APLF: variants seen among roughly 807,000 people sequenced by gnomAD.
APLF encodes the protein aprataxin and PNKP like factor.
In APLF, 61 loss-of-function variants were observed where a neutral mutation model predicts 55.6. That is an observed-to-expected ratio of 1.10 (90% CI 0.89 to 1.36). APLF has a LOEUF of 1.36. Among genes scored for constraint, APLF ranks in the 40% most tolerant of loss-of-function variants. The pLI is 0.00. For missense variants in APLF, 611 were observed against 602.5 expected (o/e 1.01, Z -0.15); for synonymous variants, 207 against 214.8 (o/e 0.96, Z 0.32).
chr2:68,517,021 A>G (rs1289313564), intron 5 of APLF, among the ~76,000 whole-genome samples: 9 of 103,450 alleles, frequency 8.7e-5, no homozygotes, highest in Admixed American at 7.6e-4. Context: ...ATATATAATA[A>G]TATATTAATA....
intron 8 of APLF, among the ~76,000 whole-genome samples, chr2:68,566,177 T>C (rs966084803): frequency 6.6e-6 from 1 of 152,112 alleles, no homozygotes; most frequent in Non-Finnish European, 1.5e-5. Context: ...TTACCTGTTA[T>C]ATACTTTTTA....
At chr2:68,487,431 A>G (rs1332480883) in intron 1 of APLF, among the ~76,000 whole-genome samples, 1 of 152,100 alleles carries the variant, frequency 6.6e-6, no homozygotes, top group Non-Finnish European at 1.5e-5. Context: ...TGTGTAACTG[A>G]GTAGTTGCTT....
At chr2:68,566,144 A>G (rs1187130192) in intron 8 of APLF, among the ~76,000 whole-genome samples, 1 of 152,108 alleles carries the variant, frequency 6.6e-6, no homozygotes, top group Admixed American at 6.6e-5. Context: ...GGGAGGATTT[A>G]TAGAAAAATT....
At chr2:68,574,285 A>G (rs1427523302) in intron 9 of APLF, among the ~76,000 whole-genome samples, 1 of 152,202 alleles carries the variant, frequency 6.6e-6, no homozygotes, top group Admixed American at 6.5e-5. Context: ...ATTTTTTAAA[A>G]AGGAAAGTCA....
intron 1 of APLF, among the ~76,000 whole-genome samples, chr2:68,481,484 G>C (rs1675956229): frequency 6.6e-6 from 1 of 151,912 alleles, no homozygotes; most frequent in African/African-American, 2.4e-5. Flanking sequence ...TAGTCTAATG[G>C]GCATTCCCTT....
intron 9 of APLF, chr2:68,568,328 A>G (rs1236983948): frequency 1.0e-6 from 1 of 984,344 alleles, no homozygotes; most frequent in Admixed American, 6.2e-5. Flanking sequence ...ATATGTGCAT[A>G]CAAACAGCTG....
At chr2:68,548,741 A>G (rs899638656) in intron 8 of APLF, among the ~76,000 whole-genome samples, 2 of 151,950 alleles carry the variant, frequency 1.3e-5, no homozygotes, top group African/African-American at 4.8e-5. Flanking sequence ...ATGCCTTTTC[A>G]TTTGTTAAAA....
At chr2:68,560,263 G>A (rs1671133726) in intron 8 of APLF, among the ~76,000 whole-genome samples, 2 of 152,088 alleles carry the variant, frequency 1.3e-5, no homozygotes, top group Non-Finnish European at 2.9e-5. Context: ...CTCTCTGCTT[G>A]TTTACTACTG....
At chr2:68,468,531 A>G (rs1232117828) in intron 1 of APLF, among the ~76,000 whole-genome samples, 2 of 152,340 alleles carry the variant, frequency 1.3e-5, no homozygotes, top group East Asian at 1.9e-4. Flanking sequence ...TGAGCCATAC[A>G]TACATTATTT....
At position 68,539,268 on chromosome 2, in the gene APLF, T is replaced by A. The variant is rs139737636; in HGVS notation, c.1160+1041T>A. On this transcript the variant is annotated intron_variant, in intron 7 of 9. Coordinates refer to ENST00000303795, the MANE Select transcript of APLF (RefSeq NM_173545.3). ...TTGGATTGTATTAGTTTGCCAGGGC[T>A]GCCATAACAAAATACCAGATTGGGT... 2.0e-4 allele frequency among the ~76,000 whole-genome samples: 31 copies of A among 152,356 alleles called. No homozygotes were observed. In the East Asian group the frequency reaches 6.0e-3, roughly 29 times the overall value.
Position 68,518,593 on chromosome 2 carries a change from G to T in APLF, c.622+4913G>T, listed in dbSNP as rs1669744935. On this transcript the variant is annotated intron_variant, in intron 5 of 9. Coordinates refer to ENST00000303795, the MANE Select transcript of APLF (RefSeq NM_173545.3). ...ATATAATATATCAATAATATATCATGAATATATAATATATCATTAATATAT... is the reference window on the plus strand; with the variant it reads ...ATATAATATATCAATAATATATCATTAATATATAATATATCATTAATATAT... Among the ~76,000 whole-genome samples, 3 of 118,442 alleles carry T rather than the reference G, an allele frequency of 2.5e-5. No individual in the cohort carries two copies. The South Asian group carries it at 7.5e-4, about 30-fold the overall frequency. 77.7% of individuals were successfully genotyped at this position (118,442 alleles called of 152,430 possible).
intron 9 of APLF, 96 bp downstream of exon 9, chr2:68,567,483 T>C: frequency 1.0e-6 from 1 of 992,828 alleles, no homozygotes; most frequent in Non-Finnish European, 1.5e-6. Context: ...TTTTAAAATC[T>C]CTGCTTCTGT....
intron 3 of APLF, 130 bp downstream of exon 3, chr2:68,503,033 C>T (rs1186574414): frequency 3.1e-5 from 28 of 917,770 alleles, no homozygotes; most frequent in East Asian, 2.0e-4. Flanking sequence ...TGTGTGTGTA[C>T]GCATGTGTGT....
intron 9 of APLF, among the ~76,000 whole-genome samples, chr2:68,570,528 G>C (rs944597563): frequency 6.7e-6 from 1 of 149,466 alleles, no homozygotes; most frequent in Non-Finnish European, 1.5e-5. Context: ...CCACCTATAA[G>C]TGAGAACATG....
chr2:68,525,653 G>A (rs1670018169), intron 5 of APLF, among the ~76,000 whole-genome samples: 1 of 151,200 alleles, frequency 6.6e-6, no homozygotes, highest in African/African-American at 2.4e-5. Flanking sequence ...TGCTTACTGA[G>A]ATTTGCACAT....
chr2:68,566,916 T>C (rs1671326569), intron 8 of APLF, among the ~76,000 whole-genome samples: 1 of 152,128 alleles, frequency 6.6e-6, no homozygotes, highest in South Asian at 2.1e-4. Context: ...AATACTGTTT[T>C]CTTTAGATTC....
chr2:68,564,690 C>T (rs114562199), intron 8 of APLF, among the ~76,000 whole-genome samples: 1 of 152,110 alleles, frequency 6.6e-6, no homozygotes, highest in Non-Finnish European at 1.5e-5. Context: ...GCTCAGACAG[C>T]GTGCAGGGAG....
chr2:68,567,752 A>G (rs1476389269), intron 9 of APLF, among the ~76,000 whole-genome samples: 1 of 152,036 alleles, frequency 6.6e-6, no homozygotes, highest in East Asian at 1.9e-4. Context: ...TAATAATGTC[A>G]ATAGTGTCCC....
chr2:68,537,817 T>A, intron 6 of APLF, 55 bp from the exon 7 acceptor site: 1 of 1,318,068 alleles, frequency 7.6e-7, no homozygotes. Flanking sequence ...GTTATGCTCA[T>A]ATCTTTTTAA....
Sources: gnomAD v4.1 joint callset for allele counts (sites outside exome capture counted in the v4.1 genomes callset) on GRCh38, gnomAD v4.1.1 for gene constraint, MANE v1.5 for transcripts, NCBI Gene and HGNC (gene_info 2026-07-23, HGNC 2026-07-21) for gene names.